The following SPAG16 variants were observed in gnomAD, a reference collection of about 807,000 sequenced individuals.
The protein encoded by SPAG16 is sperm-associated antigen 16 protein.
In SPAG16, 86 loss-of-function variants were observed where a neutral mutation model predicts 80.4. The observed-to-expected ratio is 1.07, with a 90% CI of 0.90 to 1.28. The LOEUF (loss-of-function observed/expected upper bound fraction) is 1.28, where lower values mean the gene tolerates loss of function less well. SPAG16 is among the 50% of genes most tolerant of loss of function. The pLI is 0.00. For missense variants in SPAG16, 870 were observed against 765.3 expected (o/e 1.14, Z -1.61); for synonymous variants, 294 against 265.9 (o/e 1.11, Z -1.03).
intron 15 of SPAG16, among the ~76,000 whole-genome samples, chr2:214,371,870 G>T (rs1271751590): frequency 6.6e-6 from 1 of 151,476 alleles, no homozygotes; most frequent in Admixed American, 6.6e-5. Context: ...TAGTAGAGAC[G>T]GGATTTCACC....
At chr2:213,320,017 A>G (rs1424366207) in intron 5 of SPAG16, among the ~76,000 whole-genome samples, 1 of 151,952 alleles carries the variant, frequency 6.6e-6, no homozygotes, top group Non-Finnish European at 1.5e-5. Flanking sequence ...GCTTTACTCT[A>G]CTTGACATGG....
chr2:213,858,955 C>T (rs1048387228), intron 10 of SPAG16, among the ~76,000 whole-genome samples: 3 of 151,548 alleles, frequency 2.0e-5, no homozygotes, highest in Admixed American at 6.6e-5. Context: ...CCGAGGTGGG[C>T]GGATCATGAG....
chr2:213,636,067 T>A (rs768046645), intron 10 of SPAG16, among the ~76,000 whole-genome samples: 3 of 152,224 alleles, frequency 2.0e-5, no homozygotes, highest in Non-Finnish European at 4.4e-5. Context: ...TCTTCTGAAA[T>A]TTTTATGGTT....
At chr2:213,876,351 G>A (rs1365820) in intron 11 of SPAG16, among the ~76,000 whole-genome samples, 4,974 of 149,428 alleles carry the variant, frequency 0.033, 253 homozygotes, top group African/African-American at 0.12. Flanking sequence ...AAGAATCTTT[G>A]TGTAGTTGAA....
Position 213,709,718 on chromosome 2 carries a change from T to A in SPAG16, c.1071-152767T>A, listed in dbSNP as rs1198517169. ...AAAACATGGAGAATATAGTTCTTTT[T>A]ATATACCTGATGCCCCATCCTCCAG... On this transcript the variant is annotated intron_variant, in intron 10 of 15. Coordinates refer to ENST00000331683, the MANE Select transcript of SPAG16 (RefSeq NM_024532.5). Among the ~76,000 whole-genome samples the A allele has an allele frequency of 1.3e-5, 2 of 152,180 alleles. 1 individual carries two copies. Among genetic ancestry groups the A allele is most frequent in the African/African-American group, 4.8e-5 (2 of 41,440 alleles).
chr2:213,539,357 T>C (rs2076352986), intron 10 of SPAG16, among the ~76,000 whole-genome samples: 2 of 152,216 alleles, frequency 1.3e-5, no homozygotes, highest in African/African-American at 2.4e-5. Context: ...GTGGTGACAA[T>C]GTTTAAATGC....
chr2:214,268,684 A>G (rs1411212605), intron 15 of SPAG16, among the ~76,000 whole-genome samples: 3 of 151,972 alleles, frequency 2.0e-5, no homozygotes, highest in South Asian at 2.1e-4. Context: ...ATAAAAGTAA[A>G]CAATAGAGAA....
At chr2:213,842,075 G>A (rs2074389736) in intron 10 of SPAG16, among the ~76,000 whole-genome samples, 1 of 152,094 alleles carries the variant, frequency 6.6e-6, no homozygotes, top group South Asian at 2.1e-4. Context: ...TGACAAAATA[G>A]GAAAGCATTA....
At chr2:213,788,908 A>C (rs2070512594) in intron 10 of SPAG16, among the ~76,000 whole-genome samples, 1 of 151,866 alleles carries the variant, frequency 6.6e-6, no homozygotes, top group South Asian at 2.1e-4. Flanking sequence ...CATAGGTAGA[A>C]TCTTTCCATT....
intron 15 of SPAG16, among the ~76,000 whole-genome samples, chr2:214,334,251 G>C (rs1429078412): frequency 1.3e-5 from 2 of 152,188 alleles, no homozygotes; most frequent in Non-Finnish European, 2.9e-5. Flanking sequence ...GGGAGCTATA[G>C]ATAGATCCTG....
At chr2:214,345,557 A>C (rs1697998362) in intron 15 of SPAG16, among the ~76,000 whole-genome samples, 1 of 152,128 alleles carries the variant, frequency 6.6e-6, no homozygotes, top group Admixed American at 6.6e-5. Context: ...GACAACTATT[A>C]CTTGCATCAA....
intron 5 of SPAG16, among the ~76,000 whole-genome samples, chr2:213,332,507 A>T (rs1220257230): frequency 6.6e-6 from 1 of 152,156 alleles, no homozygotes; most frequent in Non-Finnish European, 1.5e-5. Context: ...AAAATACAGG[A>T]AGAGGGAATC....
intron 10 of SPAG16, among the ~76,000 whole-genome samples, chr2:213,810,429 A>G (rs749721161): frequency 6.6e-6 from 1 of 152,196 alleles, no homozygotes; most frequent in African/African-American, 2.4e-5. Context: ...AAGTAGACTC[A>G]TATGACATTA....
chr2:213,573,653 T>C (rs1160366145), intron 10 of SPAG16, among the ~76,000 whole-genome samples: 2 of 152,248 alleles, frequency 1.3e-5, no homozygotes, highest in African/African-American at 4.8e-5. Flanking sequence ...TATATTTTTA[T>C]ACGTATTTTA....
At chr2:213,303,006 C>G (rs889816895) in intron 3 of SPAG16, among the ~76,000 whole-genome samples, 2 of 152,072 alleles carry the variant, frequency 1.3e-5, no homozygotes, top group African/African-American at 4.8e-5. Context: ...ATATCATTTT[C>G]AAATTTATTG....
At chr2:214,228,507 T>G (rs751381618) in intron 15 of SPAG16, among the ~76,000 whole-genome samples, 1 of 151,854 alleles carries the variant, frequency 6.6e-6, no homozygotes, top group Non-Finnish European at 1.5e-5. Context: ...TATCTTTGGA[T>G]CATACTATCA....
chr2:213,490,099 T>G lies in SPAG16; in HGVS notation c.1070+9T>G. On this transcript the variant is annotated intron_variant, in intron 10 of 15. Transcript: ENST00000331683. Reference sequence around the variant, plus strand: ...GAACTTCCAGTGAGCTGGTAGGATTTTTGATGTTTTATTAATACTTTTGAG... The same window carrying G: ...GAACTTCCAGTGAGCTGGTAGGATTGTTGATGTTTTATTAATACTTTTGAG... 2 of 1,569,592 alleles carry G rather than the reference T, an allele frequency of 1.3e-6. No individual in the cohort carries two copies. The highest frequency in any genetic ancestry group is 1.7e-6 in the Non-Finnish European group (2 of 1,163,394).
At chr2:213,811,892 T>C (rs1376583709) in intron 10 of SPAG16, among the ~76,000 whole-genome samples, 2 of 152,060 alleles carry the variant, frequency 1.3e-5, no homozygotes, top group African/African-American at 4.8e-5. Flanking sequence ...GGTGGCTGGA[T>C]GACACGGGTA....
At chr2:214,206,122 G>A (rs1471406532) in intron 15 of SPAG16, among the ~76,000 whole-genome samples, 1 of 152,158 alleles carries the variant, frequency 6.6e-6, no homozygotes, top group Non-Finnish European at 1.5e-5. Context: ...CTTGAACCCA[G>A]GAGGCGGAGT....
Sources: gnomAD v4.1 joint callset for allele counts (sites outside exome capture counted in the v4.1 genomes callset) on GRCh38, gnomAD v4.1.1 for gene constraint, MANE v1.5 for transcripts, NCBI Gene and HGNC (gene_info 2026-07-23, HGNC 2026-07-21) for gene names.